Variants in THSD7B observed in about 807,000 individuals in gnomAD.
The protein encoded by THSD7B is thrombospondin type-1 domain-containing protein 7B.
A neutral mutation model predicts 213.6 loss-of-function variants in THSD7B; 138 were observed. The ratio of observed to expected loss-of-function variants is 0.65; its 90% CI spans 0.56 to 0.74. The LOEUF (loss-of-function observed/expected upper bound fraction) is 0.74, where lower values mean the gene tolerates loss of function less well. Among genes scored for constraint, THSD7B ranks in the 30% least tolerant of loss-of-function variants. THSD7B has a pLI of 0.00. For synonymous variants in THSD7B, 742 were observed against 687.0 expected (o/e 1.08, Z -1.25); for missense variants, 1,931 against 1,991.5 (o/e 0.97, Z 0.58).
intron 15 of THSD7B, among the ~76,000 whole-genome samples, chr2:137,524,148 G>T (rs1680236230): frequency 6.6e-6 from 1 of 152,150 alleles, no homozygotes; most frequent in Non-Finnish European, 1.5e-5. Context: ...ATGTCAAAAG[G>T]GTTGGCATCA....
intron 12 of THSD7B, among the ~76,000 whole-genome samples, chr2:137,330,483 C>T (rs995595017): frequency 6.6e-6 from 1 of 152,152 alleles, no homozygotes; most frequent in South Asian, 2.1e-4. Flanking sequence ...TAAGGTGGCA[C>T]GTCTGGAGTT....
At chr2:137,412,629 A>T (rs1686690942) in intron 14 of THSD7B, among the ~76,000 whole-genome samples, 1 of 148,086 alleles carries the variant, frequency 6.8e-6, no homozygotes, top group African/African-American at 2.5e-5. Context: ...AACAAAAAAC[A>T]GTTTTACTAT....
rs559912124 is a variant in THSD7B at position 136,898,543 on chromosome 2, G to A, written c.139+16226G>A. 1.7e-4 allele frequency among the ~76,000 whole-genome samples: 26 copies of A among 148,580 alleles called. No individual in the cohort carries two copies. In the South Asian group the frequency reaches 5.5e-3, roughly 32 times the overall value. On this transcript the variant is annotated intron_variant, in intron 2 of 27. Coordinates refer to ENST00000409968, the MANE Select transcript of THSD7B (RefSeq NM_001316349.2). ...TACTCCAACATTTACTATCCAGAAA[G>A]TCTAGAAAATTCTATTTAGCTCCCC...
chr2:137,096,513 T>TG (rs1171695572), intron 4 of THSD7B, among the ~76,000 whole-genome samples: 7 of 152,198 alleles, frequency 4.6e-5, no homozygotes, highest in Admixed American at 2.0e-4. Flanking sequence ...GTTAATATTT[T>TG]GCTAAAATGA....
intron 12 of THSD7B, among the ~76,000 whole-genome samples, chr2:137,283,991 T>C (rs568286136): frequency 1.3e-5 from 2 of 152,246 alleles, no homozygotes; most frequent in South Asian, 2.1e-4. Context: ...TTCCTCCTTG[T>C]ACCTCTGGTA....
At chr2:137,165,196 G>C (rs1680101120) in intron 6 of THSD7B, among the ~76,000 whole-genome samples, 1 of 152,130 alleles carries the variant, frequency 6.6e-6, no homozygotes, top group Non-Finnish European at 1.5e-5. Flanking sequence ...TGGCTGAATG[G>C]CTGCCTCCTG....
intron 15 of THSD7B, among the ~76,000 whole-genome samples, chr2:137,561,434 TA>T (rs1681116716): frequency 6.6e-6 from 1 of 152,204 alleles, no homozygotes; most frequent in African/African-American, 2.4e-5. Flanking sequence ...AAATATAGGA[TA>T]AATTACTTTT....
chr2:137,592,757 T>G (rs1681889371), intron 17 of THSD7B, among the ~76,000 whole-genome samples: 1 of 151,914 alleles, frequency 6.6e-6, no homozygotes, highest in Non-Finnish European at 1.5e-5. Flanking sequence ...AGGGTATGGG[T>G]TGATAAATTT....
chr2:136,807,508 C>CTTTTTTTTTTTTTT (rs1314267493), intron 1 of THSD7B, among the ~76,000 whole-genome samples: 24 of 49,592 alleles, frequency 4.8e-4, no homozygotes, highest in African/African-American at 1.9e-3. Flanking sequence ...CAAAATGTTT[C>CTTTTTTTTTTTTTT]GTTTTTTTTT....
chr2:136,989,906 G>A (rs1265869370), intron 2 of THSD7B, among the ~76,000 whole-genome samples: 2 of 152,192 alleles, frequency 1.3e-5, no homozygotes, highest in South Asian at 2.1e-4. Context: ...GCTAGTACTA[G>A]GGTCATACAG....
At chr2:137,589,891 G>C (rs1356360485) in intron 17 of THSD7B, among the ~76,000 whole-genome samples, 1 of 152,116 alleles carries the variant, frequency 6.6e-6, no homozygotes, top group Non-Finnish European at 1.5e-5. Context: ...GTTAGATTGA[G>C]ATCATTTATG....
At chr2:137,335,288 G>A (rs1573967885) in intron 12 of THSD7B, among the ~76,000 whole-genome samples, 1 of 152,054 alleles carries the variant, frequency 6.6e-6, no homozygotes, top group East Asian at 1.9e-4. Context: ...ACTCTTACGA[G>A]CGCACAAAAA....
At chr2:137,523,287 T>C (rs1037159041) in intron 15 of THSD7B, among the ~76,000 whole-genome samples, 1 of 152,212 alleles carries the variant, frequency 6.6e-6, no homozygotes, top group African/African-American at 2.4e-5. Flanking sequence ...TATTTCTCCA[T>C]GCAATTTTCA....
intron 4 of THSD7B, among the ~76,000 whole-genome samples, chr2:137,095,920 T>C (rs1052430914): frequency 1.3e-5 from 2 of 152,160 alleles, no homozygotes; most frequent in African/African-American, 4.8e-5. Flanking sequence ...CAGGCTGGTC[T>C]CAAACTCCTG....
At chr2:137,011,159 T>A (rs185727149) in intron 2 of THSD7B, among the ~76,000 whole-genome samples, 66 of 152,322 alleles carry the variant, frequency 4.3e-4, no homozygotes, top group African/African-American at 1.6e-3. Context: ...GTAGATCATT[T>A]TGCTTTGAAA....
chr2:136,856,555 C>A (rs1473462959), intron 1 of THSD7B, among the ~76,000 whole-genome samples: 1 of 151,410 alleles, frequency 6.6e-6, no homozygotes, highest in Non-Finnish European at 1.5e-5. Flanking sequence ...ACTCTGTCAC[C>A]CAGGCTGGAG....
chr2:137,564,727 G>T (rs1426288073), intron 16 of THSD7B, among the ~76,000 whole-genome samples: 1 of 152,094 alleles, frequency 6.6e-6, no homozygotes, highest in Non-Finnish European at 1.5e-5. Flanking sequence ...ATTGTGGAAG[G>T]TTGATTGAGG....
chr2:137,420,638 T>C (rs1372043996), intron 14 of THSD7B, among the ~76,000 whole-genome samples: 13 of 152,202 alleles, frequency 8.5e-5, no homozygotes, highest in African/African-American at 3.1e-4. Flanking sequence ...CACAAACAGC[T>C]GGCAGAGTGT....
At chr2:137,606,453 C>T (rs912726307) in intron 17 of THSD7B, among the ~76,000 whole-genome samples, 1 of 152,060 alleles carries the variant, frequency 6.6e-6, no homozygotes, top group Non-Finnish European at 1.5e-5. Context: ...AAAGGTGAAG[C>T]GTGAAATCCC....
Sources: gnomAD v4.1 joint callset for allele counts (sites outside exome capture counted in the v4.1 genomes callset) on GRCh38, gnomAD v4.1.1 for gene constraint, MANE v1.5 for transcripts, NCBI Gene and HGNC (gene_info 2026-07-23, HGNC 2026-07-21) for gene names.